The following NAA25 variants were observed in gnomAD, a reference collection of about 807,000 sequenced individuals.
The protein encoded by NAA25 is N-terminal acetyltransferase B complex subunit NAA25.
Under a neutral mutation model 132.5 loss-of-function variants are expected in NAA25, and 30 were observed. That is an observed-to-expected ratio of 0.23 (90% CI 0.17 to 0.31). The LOEUF (loss-of-function observed/expected upper bound fraction) is 0.31, where lower values mean the gene tolerates loss of function less well. Ranked by LOEUF, NAA25 falls within the 10% of genes least tolerant of loss-of-function variation. The pLI is 1.00. For missense variants in NAA25, 771 were observed against 1,150.4 expected (o/e 0.67, Z 4.77); for synonymous variants, 359 against 401.9 (o/e 0.89, Z 1.28).
intron 10 of NAA25, 69 bp downstream of exon 10, chr12:112,071,826 C>CGGTGG: frequency 2.4e-6 from 3 of 1,247,874 alleles, no homozygotes; most frequent in East Asian, 2.5e-5. Context: ...GTGTAGATCT[C>CGGTGG]AACTAATGAA....
intron 3 of NAA25, 84 bp from the exon 4 acceptor site, chr12:112,087,885 G>T: frequency 1.2e-6 from 1 of 842,604 alleles, no homozygotes; most frequent in Non-Finnish European, 2.0e-6. Flanking sequence ...GGCAGAAATA[G>T]ATGTCTCCTA....
chr12:112,044,731 T>A (rs909124605), intron 17 of NAA25, among the ~76,000 whole-genome samples: 1 of 151,504 alleles, frequency 6.6e-6, no homozygotes, highest in East Asian at 1.9e-4. Flanking sequence ...AGTGACACTT[T>A]GTTCTCTGAT....
At chr12:112,041,922 G>A (rs946769462) in intron 20 of NAA25, 117 bp downstream of exon 20, 1 of 598,950 alleles carries the variant, frequency 1.7e-6, no homozygotes, top group Non-Finnish European at 2.9e-6. Context: ...TGACTCCAAA[G>A]TGTTAAAACT....
At chr12:112,072,618 A>G (rs987574999) in intron 9 of NAA25, among the ~76,000 whole-genome samples, 1 of 149,072 alleles carries the variant, frequency 6.7e-6, no homozygotes, top group Non-Finnish European at 1.5e-5. Flanking sequence ...CAAAAAAAAA[A>G]AAAAGAAAAG....
intron 22 of NAA25, chr12:112,033,802 G>C (rs1159423008): frequency 1.3e-5 from 2 of 151,698 alleles, no homozygotes; most frequent in Non-Finnish European, 2.9e-5. Flanking sequence ...AAAAAAAACT[G>C]CATCACCTAT....
At position 112,028,798 on chromosome 12, in the gene NAA25, CACTGCTTTCCCCTCT is replaced by C. The variant is rs1250752200; in HGVS notation, c.*718_*732del. On this transcript the variant is annotated 3_prime_UTR_variant, in exon 24 of 24. Transcript: ENST00000261745. ...CTCAGCGGGCTTAATAAGTGGTCTG[CACTGCTTTCCCCTCT>C]AAACAGCTATAAATTAACAGAGCCT... is the stretch of plus-strand genomic sequence containing the variant. 1 of 152,154 alleles carries C rather than the reference CACTGCTTTCCCCTCT, an allele frequency of 6.6e-6. No individual in the cohort carries two copies. Among genetic ancestry groups the C allele is most frequent in the Non-Finnish European group, 1.5e-5 (1 of 68,038 alleles). 9.4% of individuals were successfully genotyped at this position (152,154 alleles called of 1,614,324 possible).
intron 3 of NAA25, chr12:112,090,433 A>G (rs1349220029): frequency 8.7e-5 from 23 of 264,604 alleles, no homozygotes; most frequent in Non-Finnish European, 1.6e-4. Context: ...ATTCTATTCT[A>G]TTTTTGTCTG....
chr12:112,044,082 C>G (rs895104906), intron 17 of NAA25, among the ~76,000 whole-genome samples: 1 of 151,966 alleles, frequency 6.6e-6, no homozygotes, highest in Admixed American at 6.6e-5. Flanking sequence ...CGCCTGCCAC[C>G]ACGCCCGGCT....
chr12:112,077,161 A>AAATAAT (rs550811706), intron 7 of NAA25, among the ~76,000 whole-genome samples: 1 of 151,622 alleles, frequency 6.6e-6, no homozygotes, highest in African/African-American at 2.4e-5. Context: ...TATTTAGTTA[A>AAATAAT]AATAATAATA....
intron 23 of NAA25, among the ~76,000 whole-genome samples, chr12:112,032,381 A>T (rs1453675232): frequency 6.6e-6 from 1 of 152,182 alleles, no homozygotes; most frequent in Non-Finnish European, 1.5e-5. Flanking sequence ...AGGGGCTTAC[A>T]ATCTCTTAAG....
Position 112,078,731 on chromosome 12 carries a change from G to C in NAA25, c.488C>G (p.Ala163Gly). The change falls in exon 6 of 24, where the codon GCA (alanine) becomes GGA (glycine). Residue 163 changes from alanine to glycine, a missense_variant. This residue lies in a region of NAA25 where 417 missense variants were observed against 733.8 expected (regional missense o/e 0.57). Transcript: ENST00000261745. ...TGTTTTTGAGAGGTTTTCATCCTGT[G>C]CCGATATAGACTGAAAGAAGAAAAA... ...VMSLIMQSIS[A>G]QDENLSKTMF... 2 of 1,612,740 alleles carry C rather than the reference G, an allele frequency of 1.2e-6. No individual in the cohort carries two copies. The highest frequency in any genetic ancestry group is 1.7e-6 in the Non-Finnish European group (2 of 1,179,176).
intron 20 of NAA25, among the ~76,000 whole-genome samples, chr12:112,041,172 T>G (rs1417187541): frequency 2.6e-5 from 4 of 151,146 alleles, no homozygotes; most frequent in African/African-American, 9.7e-5. Flanking sequence ...AAAAAATCAT[T>G]TAGGGTCCTA....
chr12:112,079,081 G>A lies in NAA25; in HGVS notation c.478-340C>T, dbSNP rs1301251604. Among the ~76,000 whole-genome samples, 3 of 152,140 alleles carry A rather than the reference G, an allele frequency of 2.0e-5. No homozygotes were observed. The East Asian group carries it at 5.8e-4, about 29-fold the overall frequency. On this transcript the variant is annotated intron_variant, in intron 5 of 23. Coordinates refer to ENST00000261745, the MANE Select transcript of NAA25 (RefSeq NM_024953.4). The stretch of plus-strand genomic sequence containing the variant: ...TATTATCAGGTATTTGAAGAGGAAA[G>A]CCTTCCAGGTATCTTTGAGATGTTC...
chr12:112,054,587 A>G lies in NAA25; in HGVS notation c.1448-19T>C, dbSNP rs774621027. On this transcript the variant is annotated intron_variant, in intron 13 of 23. Coordinates refer to ENST00000261745, the MANE Select transcript of NAA25 (RefSeq NM_024953.4). ...TCATCACCTAGAACCAAAATACAGC[A>G]TTATCCACTGATCTTGACAGCAAAT... 6.2e-7 allele frequency: 1 copy of G among 1,607,278 alleles called. No individual in the cohort carries two copies. The highest frequency in any genetic ancestry group is 1.1e-5 in the South Asian group (1 of 90,234).
At chr12:112,037,871 A>G (rs1402170094) in intron 22 of NAA25, among the ~76,000 whole-genome samples, 3 of 151,826 alleles carry the variant, frequency 2.0e-5, no homozygotes, top group Non-Finnish European at 4.4e-5. Context: ...CAATAAAAAC[A>G]AAGTAAAAGG....
chr12:112,059,957 G>A (rs191163479), intron 13 of NAA25, among the ~76,000 whole-genome samples: 17 of 152,084 alleles, frequency 1.1e-4, no homozygotes, highest in African/African-American at 3.6e-4. Flanking sequence ...ACAGGCATGC[G>A]CCCAAATGCC....
intron 4 of NAA25, among the ~76,000 whole-genome samples, chr12:112,087,034 T>C (rs1272196824): frequency 6.7e-6 from 1 of 149,108 alleles, no homozygotes; most frequent in Non-Finnish European, 1.5e-5. Context: ...AAAAAAATAC[T>C]AGCTTAACAT....
intron 1 of NAA25, among the ~76,000 whole-genome samples, chr12:112,101,073 T>C (rs899089123): frequency 2.0e-5 from 3 of 152,306 alleles, no homozygotes. Flanking sequence ...AAGCTCCTTT[T>C]CTCAGGGTCT....
intron 23 of NAA25, among the ~76,000 whole-genome samples, chr12:112,030,749 T>A (rs1274864338): frequency 6.6e-6 from 1 of 152,176 alleles, no homozygotes; most frequent in Admixed American, 6.5e-5. Flanking sequence ...TAATTTTCCT[T>A]AGAAATACAA....
Sources: gnomAD v4.1 joint callset for allele counts (sites outside exome capture counted in the v4.1 genomes callset) on GRCh38, gnomAD v4.1.1 for gene constraint, gnomAD v4.1.1 regional missense constraint, MANE v1.5 for transcripts, NCBI Gene and HGNC (gene_info 2026-07-23, HGNC 2026-07-21) for gene names.